ZC3H12D: variants seen among roughly 807,000 people sequenced by gnomAD.
The protein encoded by ZC3H12D is probable ribonuclease ZC3H12D.
A neutral mutation model predicts 24.2 loss-of-function variants in ZC3H12D; 11 were observed. That is an observed-to-expected ratio of 0.46 (90% CI 0.29 to 0.75). The LOEUF (loss-of-function observed/expected upper bound fraction) is 0.75, where lower values mean the gene tolerates loss of function less well. ZC3H12D is among the 30% of genes least tolerant of loss of function. ZC3H12D has a pLI of 0.11. For missense variants in ZC3H12D, 740 were observed against 767.7 expected, an observed-to-expected ratio of 0.96 and a Z score of 0.43; for synonymous variants, 333 against 341.8, an observed-to-expected ratio of 0.97 and a Z score of 0.28.
At chr6:149,458,128 C>CTTTTTTTTTTTTTTTTTTTTT (rs1189920889) in intron 3 of ZC3H12D, among the ~76,000 whole-genome samples, 15 of 39,752 alleles carry the variant, frequency 3.8e-4, no homozygotes, top group Admixed American at 7.6e-4. Context: ...TTTTTCGTTT[C>CTTTTTTTTTTTTTTTTTTTTT]TTTTTTTTTT....
intron 2 of ZC3H12D, among the ~76,000 whole-genome samples, chr6:149,465,562 G>A (rs1776144959): frequency 6.6e-6 from 1 of 151,972 alleles, no homozygotes; most frequent in Non-Finnish European, 1.5e-5. Context: ...AGAGCATCCT[G>A]GCTAACACGG....
At chr6:149,480,876 G>A (rs912662818) in intron 1 of ZC3H12D, among the ~76,000 whole-genome samples, 1 of 148,830 alleles carries the variant, frequency 6.7e-6, no homozygotes, top group Non-Finnish European at 1.5e-5. Flanking sequence ...GCGAAGAAGG[G>A]CCGTGTCACA....
Position 149,474,271 on chromosome 6 carries a change from G to A in ZC3H12D, c.273C>T (p.Pro91=). 6.6e-7 allele frequency: 1 copy of A among 1,514,106 alleles called. No homozygotes were observed. The highest frequency in any genetic ancestry group is 8.9e-7 in the Non-Finnish European group (1 of 1,123,190). The allele number at this position is 1,514,106 out of a possible 1,614,324, so 93.8% of individuals were successfully genotyped here. A position where few individuals can be genotyped will look rare whatever the true frequency, so the allele number is the denominator to read the frequency against. The change falls in exon 2 of 6, where the codon CCC becomes CCT. Residue 91 remains proline (P), a synonymous_variant. Coordinates refer to ENST00000409806, the MANE Select transcript of ZC3H12D (RefSeq NM_207360.3). ...DFRTLASSLR[P]IVIDGSNVAM... ...CCACGTTGCTGCCATCAATCACTAT[G>A]GGTCGCAGAGAACTGGCCAGGGTTC...
chr6:149,478,305 A>T (rs2115014132), intron 1 of ZC3H12D, among the ~76,000 whole-genome samples: 1 of 152,296 alleles, frequency 6.6e-6, no homozygotes, highest in South Asian at 2.1e-4. Flanking sequence ...TTGAATGCAG[A>T]AGCAGGTATG....
At chr6:149,484,527 T>G (rs962464965) in intron 1 of ZC3H12D, among the ~76,000 whole-genome samples, 7 of 152,220 alleles carry the variant, frequency 4.6e-5, no homozygotes, top group Non-Finnish European at 1.0e-4. Flanking sequence ...TGGTTAATCT[T>G]TCCCCCAAAA....
chr6:149,451,302 G>A lies in ZC3H12D; in HGVS notation c.965C>T (p.Pro322Leu). The part of the protein sequence containing the change: ...PGGSAGARAA[P>L]REPFAHSLPP... ...GAGGCTGTGCGCAAATGGTTCCCGG[G>A]GGGCCGCCCGGGCTCCTGCGGAGCC... The change falls in exon 6 of 6, where the codon CCC becomes CTC. Residue 322 changes from proline to leucine, a missense_variant. By Grantham distance (98) the Pro-to-Leu change is moderately conservative (BLOSUM62 -3). Transcript: ENST00000409806. 7.5e-7 allele frequency: 1 copy of A among 1,327,164 alleles called. No homozygotes were observed. Among genetic ancestry groups the A allele is most frequent in the Non-Finnish European group, 9.5e-7 (1 of 1,048,380 alleles). 82.2% of individuals were successfully genotyped at this position (1,327,164 alleles called of 1,614,324 possible). A position where few individuals can be genotyped will look rare whatever the true frequency, so the allele number is the denominator to read the frequency against.
chr6:149,473,090 C>G (rs1329251092), intron 2 of ZC3H12D, among the ~76,000 whole-genome samples: 1 of 151,402 alleles, frequency 6.6e-6, no homozygotes, highest in African/African-American at 2.4e-5. Context: ...GCTCCATCAC[C>G]TGCTGATGGC....
At chr6:149,457,841 C>T (rs1268598505) in intron 3 of ZC3H12D, among the ~76,000 whole-genome samples, 2 of 152,126 alleles carry the variant, frequency 1.3e-5, no homozygotes, top group East Asian at 3.9e-4. Flanking sequence ...AAGTCCTTTC[C>T]CATATGACAC....
rs1335172249 is a variant in ZC3H12D at position 149,452,940 on chromosome 6, G to A, written c.681-218C>T. On this transcript the variant is annotated intron_variant, in intron 4 of 5. Transcript: ENST00000409806. This position sits in a 1 kb window ranked among gnomAD's most constrained non-coding sequence, Gnocchi z 4.0. ...AGCACAGCTCTGGCCCTCTTTGGGT[G>A]TTTCTCCTGTTGTGGTTCAAGCCAG... 6.6e-6 allele frequency among the ~76,000 whole-genome samples: 1 copy of A among 152,122 alleles called. No homozygotes were observed. Among genetic ancestry groups the A allele is most frequent in the East Asian group, 1.9e-4 (1 of 5,190 alleles).
intron 2 of ZC3H12D, among the ~76,000 whole-genome samples, chr6:149,465,863 C>G (rs908050113): frequency 3.3e-5 from 5 of 152,050 alleles, no homozygotes; most frequent in African/African-American, 4.8e-5. Flanking sequence ...TCACCCCACC[C>G]CCCAATTCCA....
intron 1 of ZC3H12D, among the ~76,000 whole-genome samples, chr6:149,479,690 G>A (rs1321625090): frequency 6.6e-6 from 1 of 152,156 alleles, no homozygotes; most frequent in Non-Finnish European, 1.5e-5. Context: ...GTATATCTGA[G>A]GAGTTTAATG....
intron 1 of ZC3H12D, among the ~76,000 whole-genome samples, chr6:149,482,461 G>C (rs1173140677): frequency 6.6e-6 from 1 of 152,202 alleles, no homozygotes. Flanking sequence ...ACAACACTTA[G>C]AAAATCCTCC....
rs978375295 is a variant in ZC3H12D, at chr6:149,482,455, C to T, written c.-71+2358G>A. On this transcript the variant is annotated intron_variant, in intron 1 of 5. Transcript: ENST00000409806. ...ACTCTGTCCAGATGATTAGCGACAA[C>T]ACTTAGAAAATCCTCCAAGTGGCCC... Among the ~76,000 whole-genome samples, 25 of 152,298 alleles carry T rather than the reference C, an allele frequency of 1.6e-4. 1 individual carries two copies. The highest frequency in any genetic ancestry group is 5.8e-4 in the African/African-American group (24 of 41,576).
chr6:149,458,111 C>CTTTTTTTTTTTTT (rs57317596), intron 3 of ZC3H12D, among the ~76,000 whole-genome samples: 1 of 80,240 alleles, frequency 1.2e-5, no homozygotes, highest in Non-Finnish European at 2.4e-5. Flanking sequence ...CTTTCTTTTT[C>CTTTTTTTTTTTTT]TTTTTTTTTT....
chr6:149,458,111 C>CTTTTTTT (rs57317596), intron 3 of ZC3H12D, among the ~76,000 whole-genome samples: 1 of 80,238 alleles, frequency 1.2e-5, no homozygotes, highest in Non-Finnish European at 2.4e-5. Context: ...CTTTCTTTTT[C>CTTTTTTT]TTTTTTTTTT....
In ZC3H12D at chr6:149,456,689, G is replaced by A. The variant is rs1013475405; in HGVS notation, c.657C>T (p.Leu219=). 1.9e-6 allele frequency: 3 copies of A among 1,571,492 alleles called. No individual in the cohort carries two copies. The highest frequency in any genetic ancestry group is 1.1e-5 in the South Asian group (1 of 90,612). Residue 219 remains leucine, a synonymous_variant, in exon 4 of 6, where the codon CTC becomes CTT. Transcript: ENST00000409806. This position sits in a 1 kb window ranked among gnomAD's most constrained non-coding sequence, Gnocchi z 4.3. ...ACCGGTCGTTGACGAAGGAGAACAT[G>A]AGCAGCCTCTGCTCGATGAACCACT... ...EWKWFIEQRL[L]MFSFVNDRFM...
At chr6:149,466,523 G>A (rs1161216120) in intron 2 of ZC3H12D, among the ~76,000 whole-genome samples, 2 of 151,634 alleles carry the variant, frequency 1.3e-5, no homozygotes, top group Non-Finnish European at 2.9e-5. Flanking sequence ...TCTCTTCAAT[G>A]TAGTCAAGTC....
chr6:149,461,684 A>G (rs1047197068), intron 3 of ZC3H12D, 147 bp downstream of exon 3: 24 of 847,348 alleles, frequency 2.8e-5, no homozygotes, highest in Non-Finnish European at 4.2e-5. Flanking sequence ...GAACAGTCAT[A>G]ATCAGTGCCT....
intron 1 of ZC3H12D, among the ~76,000 whole-genome samples, chr6:149,476,025 T>C (rs1434143751): frequency 6.6e-6 from 1 of 152,204 alleles, no homozygotes; most frequent in African/African-American, 2.4e-5. Flanking sequence ...ATGATGTTTC[T>C]CCTACACACC....
Sources: allele counts gnomAD v4.1 joint callset (sites outside exome capture counted in the v4.1 genomes callset), GRCh38; gene constraint gnomAD v4.1.1; non-coding constraint Gnocchi (gnomAD v3.1); transcripts MANE v1.5; gene names NCBI Gene and HGNC (gene_info 2026-07-23, HGNC 2026-07-21).